AGMO: variants seen among roughly 807,000 people sequenced by gnomAD.
The protein encoded by AGMO is glyceryl-ether monooxygenase.
A neutral mutation model predicts 60.2 loss-of-function variants in AGMO; 75 were observed. The ratio of observed to expected loss-of-function variants is 1.25; its 90% CI spans 1.03 to 1.51. The LOEUF is 1.51. Among genes scored for constraint, AGMO ranks in the 40% most tolerant of loss-of-function variants. AGMO has a pLI of 0.00. For synonymous variants in AGMO, 261 were observed against 177.1 expected (o/e 1.47, Z -3.76); for missense variants, 763 against 525.5 (o/e 1.45, Z -4.42).
At chr7:15,341,706 A>C (rs1050257076) in intron 12 of AGMO, among the ~76,000 whole-genome samples, 4 of 152,272 alleles carry the variant, frequency 2.6e-5, no homozygotes, top group South Asian at 2.1e-4. Flanking sequence ...AACATACCTG[A>C]GAGAGTGGGT....
At chr7:15,433,277 T>C (rs1351846316) in intron 3 of AGMO, among the ~76,000 whole-genome samples, 1 of 151,968 alleles carries the variant, frequency 6.6e-6, no homozygotes, top group African/African-American at 2.4e-5. Context: ...TCCACAAAGG[T>C]GGAGGTTAAA....
intron 12 of AGMO, among the ~76,000 whole-genome samples, chr7:15,211,608 TTAACA>T (rs1781594397): frequency 6.6e-6 from 1 of 152,080 alleles, no homozygotes; most frequent in East Asian, 1.9e-4. Flanking sequence ...TTTTAGTGTC[TTAACA>T]TAATTTTTAT....
chr7:15,440,217 T>A (rs988867409), intron 3 of AGMO, among the ~76,000 whole-genome samples: 6 of 152,178 alleles, frequency 3.9e-5, no homozygotes, highest in African/African-American at 1.4e-4. Context: ...TATGTCTTTA[T>A]ACAGGCAGAT....
intron 5 of AGMO, among the ~76,000 whole-genome samples, chr7:15,417,424 C>G (rs113202377): frequency 6.6e-6 from 1 of 152,130 alleles, no homozygotes; most frequent in African/African-American, 2.4e-5. Context: ...AATACCTGAC[C>G]CGACACATGG....
chr7:15,372,904 T>C (rs116066505), intron 10 of AGMO, among the ~76,000 whole-genome samples: 1,591 of 152,300 alleles, frequency 0.01, 36 homozygotes, highest in African/African-American at 0.037. Context: ...AGAAAGCATT[T>C]GGGAAAGATC....
chr7:15,522,189 G>C (rs2128536192), intron 3 of AGMO, among the ~76,000 whole-genome samples: 1 of 152,234 alleles, frequency 6.6e-6, no homozygotes, highest in Admixed American at 6.5e-5. Context: ...ACTGCTCAAG[G>C]ATATGAGAGA....
intron 11 of AGMO, 114 bp from the exon 12 acceptor site, chr7:15,365,733 T>C: frequency 4.1e-6 from 3 of 727,156 alleles, no homozygotes; most frequent in Non-Finnish European, 4.4e-6. Context: ...TTTTAATATA[T>C]TTGAAAAGCA....
At chr7:15,459,599 T>TTGTGTGTGTGTGTGTGTGTGTGTGTG (rs754526222) in intron 3 of AGMO, among the ~76,000 whole-genome samples, 18,259 of 141,764 alleles carry the variant, frequency 0.13, 1,446 homozygotes, top group Middle Eastern at 0.17. Context: ...GTATGTGCGT[T>TTGTGTGTGTGTGTGTGTGTGTGTGTG]TGTGTGTGTG....
intron 12 of AGMO, among the ~76,000 whole-genome samples, chr7:15,238,234 C>A (rs746929185): frequency 6.6e-6 from 1 of 151,888 alleles, no homozygotes; most frequent in Admixed American, 6.6e-5. Context: ...TTTCAATACA[C>A]ACACGTGTGT....
At chr7:15,366,451 A>G (rs1374971048) in intron 10 of AGMO, among the ~76,000 whole-genome samples, 1 of 152,138 alleles carries the variant, frequency 6.6e-6, no homozygotes, top group African/African-American at 2.4e-5. Context: ...TATTTTGCTT[A>G]AAGTGTTCAT....
chr7:15,428,479 G>A (rs965604385), intron 4 of AGMO, among the ~76,000 whole-genome samples: 4 of 152,080 alleles, frequency 2.6e-5, no homozygotes, highest in African/African-American at 9.7e-5. Flanking sequence ...AAACAAGTGT[G>A]AGTCTCATTT....
rs71525649 is a variant in AGMO at position 15,247,414 on chromosome 7, T to TCACACA, written c.1264-46061_1264-46056dup. Among the ~76,000 whole-genome samples, 579 of 123,708 alleles carry TCACACA rather than the reference T, an allele frequency of 4.7e-3. 2 individuals are homozygous for TCACACA. Among genetic ancestry groups the TCACACA allele is most frequent in the East Asian group, 0.012 (51 of 4,108 alleles). The allele number at this position is 123,708 out of a possible 152,430, so 81.2% of individuals were successfully genotyped here. On this transcript the variant is annotated intron_variant, in intron 12 of 12. Transcript: ENST00000342526. ...TTTGTTAATATATGACTTGGAGATT[T>TCACACA]CACACACACACACACACACACACAC... is the stretch of plus-strand genomic sequence containing the variant.
At chr7:15,352,443 G>A (rs1436593679) in intron 12 of AGMO, among the ~76,000 whole-genome samples, 54 of 148,540 alleles carry the variant, frequency 3.6e-4, no homozygotes, top group Non-Finnish European at 7.4e-5. Flanking sequence ...GATTCCAGAA[G>A]TATGTTTTTT....
chr7:15,435,969 A>G (rs1353345248), intron 3 of AGMO, among the ~76,000 whole-genome samples: 1 of 152,228 alleles, frequency 6.6e-6, no homozygotes, highest in Non-Finnish European at 1.5e-5. Flanking sequence ...TTTCACAGAC[A>G]TATAAGATAG....
At chr7:15,207,896 T>C (rs1186039858) in intron 12 of AGMO, among the ~76,000 whole-genome samples, 2 of 152,310 alleles carry the variant, frequency 1.3e-5, no homozygotes, top group East Asian at 1.9e-4. Context: ...ATGGTGCCAC[T>C]GCACTCCAGC....
downstream of AGMO, among the ~76,000 whole-genome samples, chr7:15,198,219 G>GAGAGAGAGAGAGAC (rs1781172871): frequency 1.9e-5 from 2 of 103,058 alleles, no homozygotes; most frequent in African/African-American, 5.5e-5. Context: ...GAGAGAGAGA[G>GAGAGAGAGAGAGAC]AGAGAGAGAG....
chr7:15,514,500 G>C (rs1475489193), intron 3 of AGMO, among the ~76,000 whole-genome samples: 1 of 152,010 alleles, frequency 6.6e-6, no homozygotes, highest in Non-Finnish European at 1.5e-5. Flanking sequence ...AGAAAGTTGA[G>C]GCTCAGAGAA....
At chr7:15,468,643 A>G (rs138571396) in intron 3 of AGMO, among the ~76,000 whole-genome samples, 36 of 152,226 alleles carry the variant, frequency 2.4e-4, no homozygotes, top group African/African-American at 7.9e-4. Context: ...AAGTATAGAG[A>G]TATGTATTCG....
At chr7:15,550,553 A>C (rs1368883703) in intron 2 of AGMO, among the ~76,000 whole-genome samples, 5 of 152,018 alleles carry the variant, frequency 3.3e-5, no homozygotes, top group Middle Eastern at 6.8e-3. Context: ...ACACAAATAA[A>C]CTAGAAAATC....
Sources: gnomAD v4.1 joint callset for allele counts (sites outside exome capture counted in the v4.1 genomes callset) on GRCh38, gnomAD v4.1.1 for gene constraint, MANE v1.5 for transcripts, NCBI Gene and HGNC (gene_info 2026-07-23, HGNC 2026-07-21) for gene names.